The following STXBP6 variants were observed in gnomAD, a reference collection of about 807,000 sequenced individuals.
STXBP6 encodes syntaxin binding protein 6.
In STXBP6, 21 loss-of-function variants were observed where a neutral mutation model predicts 26.9. The observed-to-expected ratio is 0.78, with a 90% confidence interval of 0.55 to 1.12. The LOEUF (loss-of-function observed/expected upper bound fraction) is 1.12, where lower values mean the gene tolerates loss of function less well. STXBP6 is among the 50% of genes most tolerant of loss of function. The pLI is 0.00. For synonymous variants in STXBP6, 97 were observed against 92.6 expected, an observed-to-expected ratio of 1.05 and a Z score of -0.27; for missense variants, 232 against 257.9, an observed-to-expected ratio of 0.90 and a Z score of 0.69.
rs552562019 is a variant in STXBP6 at position 24,945,139 on chromosome 14, A to ATTTTTTTTTTTTTTTTTTTTTTTTTTT, written c.154+29499_154+29525dup. ...TGGCATGTATATGAACCAATTAGGAATTTTTTTTTTTTTTTTTTTTTTTTT... is the reference window on the plus strand; with the variant it reads ...TGGCATGTATATGAACCAATTAGGAATTTTTTTTTTTTTTTTTTTTTTTTTTTTTTTTTTTTTTTTTTTTTTTTTTTT... On this transcript the variant is annotated intron_variant, in intron 2 of 5. Coordinates refer to ENST00000323944, the MANE Select transcript of STXBP6 (RefSeq NM_001394410.1). Among the ~76,000 whole-genome samples, 7 of 100,650 alleles carry ATTTTTTTTTTTTTTTTTTTTTTTTTTT rather than the reference A, an allele frequency of 7.0e-5. 2 individuals carry two copies. The highest frequency in any genetic ancestry group is 2.2e-4 in the African/African-American group (6 of 27,468). The allele number at this position is 100,650 out of a possible 152,430, so 66.0% of individuals were successfully genotyped here.
chr14:24,823,148 A>G (rs1179164393), intron 4 of STXBP6, among the ~76,000 whole-genome samples: 4 of 152,178 alleles, frequency 2.6e-5, no homozygotes, highest in South Asian at 2.1e-4. Flanking sequence ...TCTTGCCTTC[A>G]TATCAGTTCC....
intron 2 of STXBP6, among the ~76,000 whole-genome samples, chr14:24,958,158 T>G (rs755239945): frequency 6.6e-6 from 1 of 152,172 alleles, no homozygotes; most frequent in Admixed American, 6.5e-5. Context: ...AGGCTAAAAA[T>G]AGAATAATCC....
intron 1 of STXBP6, among the ~76,000 whole-genome samples, chr14:24,985,114 T>A (rs148260254): frequency 6.6e-6 from 1 of 152,226 alleles, no homozygotes; most frequent in Non-Finnish European, 1.5e-5. Context: ...TCTTTCTGGA[T>A]ATCTGTTCAT....
intron 2 of STXBP6, among the ~76,000 whole-genome samples, chr14:24,862,153 A>T (rs1170743533): frequency 6.6e-6 from 1 of 152,056 alleles, no homozygotes; most frequent in Non-Finnish European, 1.5e-5. Context: ...CATGTGTGCC[A>T]CTACACCCAG....
intron 1 of STXBP6, among the ~76,000 whole-genome samples, chr14:25,004,223 C>T (rs1343851135): frequency 1.3e-5 from 2 of 152,224 alleles, no homozygotes; most frequent in Non-Finnish European, 2.9e-5. Context: ...GAAACTACAA[C>T]TAAAACGGCT....
intron 1 of STXBP6, among the ~76,000 whole-genome samples, chr14:24,990,659 CAAAAAAAA>C (rs1211659589): frequency 1.7e-5 from 1 of 57,334 alleles, no homozygotes; most frequent in Non-Finnish European, 3.4e-5. Context: ...AACTCCATCT[CAAAAAAAA>C]AAAAAAAAAA....
At chr14:24,827,727 C>T (rs1459927732) in intron 4 of STXBP6, among the ~76,000 whole-genome samples, 2 of 152,148 alleles carry the variant, frequency 1.3e-5, no homozygotes, top group East Asian at 1.9e-4. Context: ...TCCTCTAGTA[C>T]CTGATCATGC....
At position 24,896,483 on chromosome 14, in the gene STXBP6, G is replaced by A. The variant is rs533600164; in HGVS notation, c.155-39326C>T. Among the ~76,000 whole-genome samples, 8 of 152,282 alleles carry A rather than the reference G, an allele frequency of 5.3e-5. No individual in the cohort carries two copies. In the South Asian group the frequency reaches 1.0e-3, roughly 20 times the overall value. On this transcript the variant is annotated intron_variant, in intron 2 of 5. Coordinates refer to ENST00000323944, the MANE Select transcript of STXBP6 (RefSeq NM_001394410.1). The stretch of plus-strand genomic sequence containing the variant: ...TCCCACTCAAACCTACTGAAAATGA[G>A]TCTCTTGAGAAAGAGAGAGGAACCC...
intron 2 of STXBP6, among the ~76,000 whole-genome samples, chr14:24,951,655 T>C (rs2073174112): frequency 6.6e-6 from 1 of 152,178 alleles, no homozygotes; most frequent in Admixed American, 6.5e-5. Flanking sequence ...TTATATTACA[T>C]GGCTTTACTG....
intron 1 of STXBP6, among the ~76,000 whole-genome samples, chr14:25,038,064 T>C (rs1427427886): frequency 6.6e-6 from 1 of 150,792 alleles, no homozygotes; most frequent in Non-Finnish European, 1.5e-5. Flanking sequence ...TTTTTAAAAA[T>C]ACGAACACAC....
chr14:24,946,322 A>C (rs1471860346), intron 2 of STXBP6, among the ~76,000 whole-genome samples: 5 of 152,212 alleles, frequency 3.3e-5, no homozygotes, highest in Non-Finnish European at 7.3e-5. Flanking sequence ...GAGAATGTAG[A>C]AAAAGATAAA....
intron 4 of STXBP6, among the ~76,000 whole-genome samples, chr14:24,827,403 A>G (rs2068318696): frequency 6.6e-6 from 1 of 152,136 alleles, no homozygotes; most frequent in African/African-American, 2.4e-5. Flanking sequence ...TGTCTGCTTC[A>G]CAAATTAAAA....
rs566262213 is a variant in STXBP6, at chr14:25,002,856, A to G, written c.-32-28006T>C. ...ATTCTCCTGCCTCAGCCTTCCAAGT[A>G]GCTGGTATTACAGGCGTGTGCCACC... On this transcript the variant is annotated intron_variant, in intron 1 of 5. Transcript: ENST00000323944. Among the ~76,000 whole-genome samples, 6 of 151,764 alleles carry G rather than the reference A, an allele frequency of 4.0e-5. No homozygotes were observed. In the East Asian group the frequency reaches 1.2e-3, roughly 30 times the overall value.
At chr14:24,888,720 TCA>T (rs2070678688) in intron 2 of STXBP6, among the ~76,000 whole-genome samples, 1 of 133,414 alleles carries the variant, frequency 7.5e-6, no homozygotes. Context: ...AGACTCCGTC[TCA>T]AAAAAAAAAA....
chr14:24,839,098 G>A (rs939926090), intron 4 of STXBP6, among the ~76,000 whole-genome samples: 13 of 152,124 alleles, frequency 8.5e-5, no homozygotes, highest in African/African-American at 2.7e-4. Flanking sequence ...AACTACACGG[G>A]AGTTGAGTTC....
chr14:24,980,159 G>C (rs1282400779), intron 1 of STXBP6, among the ~76,000 whole-genome samples: 1 of 152,088 alleles, frequency 6.6e-6, no homozygotes, highest in Admixed American at 6.5e-5. Flanking sequence ...TGTTAATTTT[G>C]CTCCAAAGTT....
At chr14:24,899,013 G>A (rs943786315) in intron 2 of STXBP6, among the ~76,000 whole-genome samples, 1 of 147,990 alleles carries the variant, frequency 6.8e-6, no homozygotes, top group South Asian at 2.1e-4. Flanking sequence ...TTCCCCAGAG[G>A]TTGGGGGTGG....
At chr14:24,934,064 A>G (rs1385701504) in intron 2 of STXBP6, among the ~76,000 whole-genome samples, 1 of 152,296 alleles carries the variant, frequency 6.6e-6, no homozygotes, top group East Asian at 1.9e-4. Context: ...AGAAGATAGC[A>G]ATGGAATTCA....
intron 1 of STXBP6, among the ~76,000 whole-genome samples, chr14:25,030,524 C>T (rs1008846605): frequency 2.0e-5 from 3 of 152,154 alleles, no homozygotes; most frequent in African/African-American, 7.2e-5. Flanking sequence ...AAGGGTTCTT[C>T]ATCTTGAGGG....
Sources: gnomAD v4.1 joint callset for allele counts (sites outside exome capture counted in the v4.1 genomes callset) on GRCh38, gnomAD v4.1.1 for gene constraint, MANE v1.5 for transcripts, NCBI Gene and HGNC (gene_info 2026-07-23, HGNC 2026-07-21) for gene names.